The following ST6GALNAC3 variants were observed in gnomAD, a reference collection of about 807,000 sequenced individuals.
The protein encoded by ST6GALNAC3 is alpha-N-acetylgalactosaminide alpha-2,6-sialyltransferase 3.
In ST6GALNAC3, 25 loss-of-function variants were observed where a neutral mutation model predicts 32.7. That is an observed-to-expected ratio of 0.76 (90% CI 0.56 to 1.07). The LOEUF (loss-of-function observed/expected upper bound fraction) is 1.07, where lower values mean the gene tolerates loss of function less well. ST6GALNAC3 is among the 50% of genes least tolerant of loss of function. The pLI is 0.00. For missense variants in ST6GALNAC3, 355 were observed against 382.4 expected, an observed-to-expected ratio of 0.93 and a Z score of 0.60; for synonymous variants, 129 against 133.1, an observed-to-expected ratio of 0.97 and a Z score of 0.21.
At chr1:76,478,357 C>T (rs1034775290) in intron 3 of ST6GALNAC3, among the ~76,000 whole-genome samples, 2 of 152,176 alleles carry the variant, frequency 1.3e-5, no homozygotes, top group Admixed American at 6.5e-5. Flanking sequence ...TGGTGGACTA[C>T]CTGTCCTGAA....
chr1:76,329,455 GA>G (rs1387407470), intron 2 of ST6GALNAC3, among the ~76,000 whole-genome samples: 1 of 152,086 alleles, frequency 6.6e-6, no homozygotes, highest in African/African-American at 2.4e-5. Context: ...AAAGATGTTT[GA>G]AAAATAATAA....
At chr1:76,429,538 AT>A (rs1420006572) in intron 3 of ST6GALNAC3, among the ~76,000 whole-genome samples, 1 of 152,026 alleles carries the variant, frequency 6.6e-6, no homozygotes, top group Non-Finnish European at 1.5e-5. Flanking sequence ...CCAGACTTTT[AT>A]TTTTCCATCA....
intron 3 of ST6GALNAC3, among the ~76,000 whole-genome samples, chr1:76,447,991 C>A (rs954981550): frequency 3.3e-5 from 5 of 152,104 alleles, no homozygotes; most frequent in Non-Finnish European, 7.4e-5. Context: ...ATCCTCCAGA[C>A]CCCAGAATGG....
intron 1 of ST6GALNAC3, among the ~76,000 whole-genome samples, chr1:76,206,976 T>C (rs1029112306): frequency 1.3e-5 from 2 of 152,192 alleles, no homozygotes; most frequent in African/African-American, 4.8e-5. Context: ...TGCTATTTTA[T>C]TTTTCATTCC....
chr1:76,255,885 T>G (rs910790219), intron 1 of ST6GALNAC3, among the ~76,000 whole-genome samples: 1 of 152,004 alleles, frequency 6.6e-6, no homozygotes, highest in African/African-American at 2.4e-5. Flanking sequence ...AGTAGGGGTA[T>G]AAGAAAATAA....
At chr1:76,411,856 T>C in intron 2 of ST6GALNAC3, 152 bp from the exon 3 acceptor site, 1 of 719,010 alleles carries the variant, frequency 1.4e-6, no homozygotes, top group Non-Finnish European at 2.2e-6. Flanking sequence ...TGATAATCTG[T>C]GGCAGCGACT....
chr1:76,304,664 T>G (rs958203219), intron 1 of ST6GALNAC3, among the ~76,000 whole-genome samples: 2 of 152,006 alleles, frequency 1.3e-5, no homozygotes, highest in African/African-American at 4.8e-5. Context: ...TACAGAGAGA[T>G]GCATGTGAGG....
intron 3 of ST6GALNAC3, among the ~76,000 whole-genome samples, chr1:76,484,755 C>G (rs1659984036): frequency 6.6e-6 from 1 of 152,176 alleles, no homozygotes; most frequent in South Asian, 2.1e-4. Context: ...ACTTCCAACA[C>G]TATACTGAAT....
intron 1 of ST6GALNAC3, among the ~76,000 whole-genome samples, chr1:76,185,492 G>A (rs61773761): frequency 0.11 from 16,358 of 152,134 alleles, 1,024 homozygotes; most frequent in Non-Finnish European, 0.14. Flanking sequence ...AATATGTCAC[G>A]AAATCCTGTC....
chr1:76,328,231 T>C (rs1647117416), intron 2 of ST6GALNAC3, among the ~76,000 whole-genome samples: 2 of 152,202 alleles, frequency 1.3e-5, no homozygotes, highest in Admixed American at 1.3e-4. Flanking sequence ...CTTCCTTTGC[T>C]CGGGAGTCAC....
intron 2 of ST6GALNAC3, among the ~76,000 whole-genome samples, chr1:76,403,589 G>T (rs960074433): frequency 6.6e-6 from 1 of 152,042 alleles, no homozygotes; most frequent in African/African-American, 2.4e-5. Flanking sequence ...TGTCTTATTT[G>T]GTCAGGGGTG....
At chr1:76,128,564 G>A (rs1030903274) in intron 1 of ST6GALNAC3, among the ~76,000 whole-genome samples, 3 of 152,262 alleles carry the variant, frequency 2.0e-5, no homozygotes, top group East Asian at 3.9e-4. Context: ...CTGCTTCCCC[G>A]ACAGCACATC....
At chr1:76,262,757 G>T (rs1447464780) in intron 1 of ST6GALNAC3, among the ~76,000 whole-genome samples, 2 of 152,150 alleles carry the variant, frequency 1.3e-5, no homozygotes, top group East Asian at 3.9e-4. Context: ...GGGGAGTGGG[G>T]AGCATGGTTC....
At chr1:76,194,881 A>G (rs1324073941) in intron 1 of ST6GALNAC3, among the ~76,000 whole-genome samples, 1 of 152,230 alleles carries the variant, frequency 6.6e-6, no homozygotes, top group African/African-American at 2.4e-5. Flanking sequence ...TTTGAAATCC[A>G]CTGGTCTAGC....
chr1:76,112,648 C>T (rs1648121261), intron 1 of ST6GALNAC3, among the ~76,000 whole-genome samples: 1 of 149,390 alleles, frequency 6.7e-6, no homozygotes, highest in East Asian at 2.0e-4. Context: ...GGAGGGGCTC[C>T]TCACTTCTCA....
At chr1:76,478,613 A>G (rs1050181149) in intron 3 of ST6GALNAC3, among the ~76,000 whole-genome samples, 5 of 152,090 alleles carry the variant, frequency 3.3e-5, no homozygotes, top group Non-Finnish European at 7.4e-5. Flanking sequence ...TTTATTACCC[A>G]CAAGAGAAAA....
intron 3 of ST6GALNAC3, among the ~76,000 whole-genome samples, chr1:76,550,590 C>T (rs1233528070): frequency 6.6e-6 from 1 of 152,086 alleles, no homozygotes; most frequent in Non-Finnish European, 1.5e-5. Flanking sequence ...GGCTTAGTAG[C>T]CATGCTGCTT....
chr1:76,093,566 G>C (rs552432758), intron 1 of ST6GALNAC3, among the ~76,000 whole-genome samples: 3 of 152,244 alleles, frequency 2.0e-5, no homozygotes, highest in Admixed American at 6.5e-5. Context: ...CCCCAAATCT[G>C]CCTCTTTGAC....
At chr1:76,277,588 G>GTA (rs1411840944) in intron 1 of ST6GALNAC3, among the ~76,000 whole-genome samples, 3 of 30,362 alleles carry the variant, frequency 9.9e-5, no homozygotes, top group Non-Finnish European at 1.7e-4. Flanking sequence ...ATATGTTTAT[G>GTA]TGTATATATA....
Sources: gnomAD v4.1 joint callset for allele counts (sites outside exome capture counted in the v4.1 genomes callset) on GRCh38, gnomAD v4.1.1 for gene constraint, MANE v1.5 for transcripts, NCBI Gene and HGNC (gene_info 2026-07-23, HGNC 2026-07-21) for gene names.